FRMD8: variants seen among roughly 807,000 people sequenced by gnomAD.
The protein encoded by FRMD8 is FERM domain containing 8.
FRMD8 carries 37 observed loss-of-function variants against 54.2 expected under a neutral mutation model. That is an observed-to-expected ratio of 0.68 (90% CI 0.53 to 0.90). FRMD8 has a LOEUF of 0.90. FRMD8 is among the 40% of genes least tolerant of loss of function. FRMD8 has a pLI of 0.00. For synonymous variants in FRMD8, 246 were observed against 286.9 expected (o/e 0.86, Z 1.44); for missense variants, 585 against 653.7 (o/e 0.89, Z 1.15).
the FRMD8 span, among the ~76,000 whole-genome samples, chr11:65,369,351 G>A: frequency 3.3e-4 from 50 of 151,758 alleles, no homozygotes; most frequent in Admixed American, 6.6e-4. Context: ...GTGGGAGGCC[G>A]AGGCAAGACG....
chr11:65,370,625 G>A, the FRMD8 span, among the ~76,000 whole-genome samples: 2 of 151,780 alleles, frequency 1.3e-5, no homozygotes, highest in African/African-American at 2.4e-5. Flanking sequence ...GCTTAAACCC[G>A]GGAAGCAGAC....
chr11:65,396,631 C>T (rs924706919), intron 6 of FRMD8, among the ~76,000 whole-genome samples, 168 bp from the exon 7 acceptor site: 2 of 152,164 alleles, frequency 1.3e-5, no homozygotes, highest in African/African-American at 4.8e-5. Flanking sequence ...GAGAACTGAA[C>T]CCCCTCTGTC....
chr11:65,379,960 G>A, the FRMD8 span: 2 of 1,613,972 alleles, frequency 1.2e-6, no homozygotes, highest in Admixed American at 1.7e-5. Flanking sequence ...GACAGAGCAG[G>A]TAGGGTGGCG....
At position 65,411,616 on chromosome 11, in the gene FRMD8, C is replaced by G; in HGVS notation, c.*256C>G. On this transcript the variant is annotated 3_prime_UTR_variant, in exon 11 of 11. Coordinates refer to ENST00000317568, the MANE Select transcript of FRMD8 (RefSeq NM_031904.5). The stretch of plus-strand genomic sequence containing the variant: ...CCCGGATGCTGGGCCCTGCTGCTCT[C>G]TCAGGACCATCCGATCAAGCTGCAG... The G allele has an allele frequency of 2.6e-6, 1 of 383,580 alleles. No individual in the cohort carries two copies. The highest frequency in any genetic ancestry group is 5.9e-5 in the South Asian group (1 of 16,930). The allele number at this position is 383,580 out of a possible 1,614,324, so 23.8% of individuals were successfully genotyped here. A position where few individuals can be genotyped will look rare whatever the true frequency, so the allele number is the denominator to read the frequency against.
chr11:65,371,863 C>G, the FRMD8 span, among the ~76,000 whole-genome samples: 2 of 152,094 alleles, frequency 1.3e-5, no homozygotes, highest in Non-Finnish European at 2.9e-5. Context: ...ATCTGCCCAC[C>G]TTGGCCTCCC....
chr11:65,397,023 A>G lies in FRMD8; in HGVS notation c.803+3A>G, dbSNP rs1365149145. 5 of 1,434,058 alleles carry G rather than the reference A, an allele frequency of 3.5e-6. No individual in the cohort carries two copies. The East Asian group carries it at 8.4e-5, about 24-fold the overall frequency. The allele number at this position is 1,434,058 out of a possible 1,614,324, so 88.8% of individuals were successfully genotyped here. ...TGCCACGAGCTGCCGTTTTATGGGTAAGAGCCACAGCCCCGCGGTCCCCCA... is the reference window on the plus strand; with the variant it reads ...TGCCACGAGCTGCCGTTTTATGGGTGAGAGCCACAGCCCCGCGGTCCCCCA... On this transcript the variant is annotated splice_donor_region_variant and intron_variant, in intron 7 of 10. Transcript: ENST00000317568.
upstream of FRMD8, among the ~76,000 whole-genome samples, chr11:65,385,369 G>A (rs1315252496): frequency 3.3e-5 from 5 of 152,168 alleles, no homozygotes; most frequent in African/African-American, 7.2e-5. Context: ...GTGGATCATA[G>A]GAGGGCAGGC....
intron 10 of FRMD8, among the ~76,000 whole-genome samples, chr11:65,405,590 T>TC (rs1430088567): frequency 3.3e-5 from 5 of 152,250 alleles, no homozygotes; most frequent in African/African-American, 1.2e-4. Flanking sequence ...ATCATTGCAT[T>TC]CCAGCCTGGG....
chr11:65,377,338 C>T, the FRMD8 span: 1 of 1,343,858 alleles, frequency 7.4e-7, no homozygotes, highest in Non-Finnish European at 9.5e-7. Context: ...CTTGCCTGGC[C>T]TACAGCAGGC....
At position 65,396,859 on chromosome 11, in the gene FRMD8, T is replaced by A; in HGVS notation, c.642T>A (p.Ala214=). Reference sequence around the variant, plus strand: ...GTAAGCGGGGCCAGAGTCTCTTTGCTGCCCTCCGGGGCCGTGGGGCCAGGG... The same window carrying A: ...GTAAGCGGGGCCAGAGTCTCTTTGCAGCCCTCCGGGGCCGTGGGGCCAGGG... The part of the protein sequence containing the change: ...HLCKRGQSLF[A]ALRGRGARAG... Residue 214 remains alanine, a synonymous_variant, in exon 7 of 11, where the codon GCT becomes GCA. Coordinates refer to ENST00000317568, the MANE Select transcript of FRMD8 (RefSeq NM_031904.5). 1 of 1,562,160 alleles carries A rather than the reference T, an allele frequency of 6.4e-7. No homozygotes were observed. The highest frequency in any genetic ancestry group is 8.7e-7 in the Non-Finnish European group (1 of 1,154,374).
At chr11:65,374,407 T>G in the FRMD8 span, among the ~76,000 whole-genome samples, 2 of 151,024 alleles carry the variant, frequency 1.3e-5, no homozygotes, top group Non-Finnish European at 3.0e-5. Context: ...CTAAGCAAAT[T>G]GTATGATTTA....
intron 7 of FRMD8, 77 bp downstream of exon 7, chr11:65,397,097 GC>G: frequency 1.3e-6 from 1 of 768,804 alleles, no homozygotes; most frequent in Non-Finnish European, 2.0e-6. Context: ...CTGCCAGTGA[GC>G]CCACCTCTGC....
chr11:65,398,473 G>T (rs1312479612), intron 7 of FRMD8, among the ~76,000 whole-genome samples: 1 of 152,250 alleles, frequency 6.6e-6, no homozygotes, highest in African/African-American at 2.4e-5. Flanking sequence ...TGTGGGCCAG[G>T]TGAGAAGGGG....
At chr11:65,409,963 A>G (rs2137950002) in intron 10 of FRMD8, among the ~76,000 whole-genome samples, 1 of 151,752 alleles carries the variant, frequency 6.6e-6, no homozygotes, top group East Asian at 1.9e-4. Flanking sequence ...AGTCCCAGCT[A>G]TTGGGGATGC....
At position 65,387,583 on chromosome 11, in the gene FRMD8, G is replaced by C. The variant is rs890631059; in HGVS notation, c.85+462G>C. On this transcript the variant is annotated intron_variant, in intron 2 of 10. Transcript: ENST00000317568. ...TGACAGAGTCTCCCTCTGTCGCCCAGGCTGGAGTGCAGTGGTGCGATCTCA... is the reference window on the plus strand; with the variant it reads ...TGACAGAGTCTCCCTCTGTCGCCCACGCTGGAGTGCAGTGGTGCGATCTCA... 1.8e-4 allele frequency among the ~76,000 whole-genome samples: 27 copies of C among 152,014 alleles called. 1 individual carries two copies. Among genetic ancestry groups the C allele is most frequent in the Admixed American group, 7.9e-4 (12 of 15,272 alleles).
chr11:65,368,966 G>A, the FRMD8 span, among the ~76,000 whole-genome samples: 1 of 152,152 alleles, frequency 6.6e-6, no homozygotes, highest in South Asian at 2.1e-4. Context: ...ACGAATGAGA[G>A]TGTGTCATTA....
rs189751247 is a variant in FRMD8 at position 65,395,535 on chromosome 11, G to A, written c.581+1110G>A. Among the ~76,000 whole-genome samples the A allele has an allele frequency of 1.8e-4, 28 of 152,180 alleles. No individual in the cohort carries two copies. The South Asian group carries it at 5.0e-3, about 27-fold the overall frequency. On this transcript the variant is annotated intron_variant, in intron 6 of 10. Transcript: ENST00000317568. ...GCCTGGGCAACAAGAGCGAAACTCC[G>A]TCTCAAAAAAGAAAAAAAAGGACTG...
chr11:65,376,446 G>C, the FRMD8 span: 1 of 1,614,164 alleles, frequency 6.2e-7, no homozygotes, highest in Non-Finnish European at 8.5e-7. Flanking sequence ...AGCTGAGGAA[G>C]GTGACAGCAT....
intron 9 of FRMD8, among the ~76,000 whole-genome samples, chr11:65,401,231 G>T (rs1856072095): frequency 6.6e-6 from 1 of 151,870 alleles, no homozygotes; most frequent in Non-Finnish European, 1.5e-5. Flanking sequence ...GAAACGTTGG[G>T]CCTCTCCAAG....
Sources: allele counts gnomAD v4.1 joint callset (sites outside exome capture counted in the v4.1 genomes callset), GRCh38; gene constraint gnomAD v4.1.1; transcripts MANE v1.5; gene names NCBI Gene and HGNC (gene_info 2026-07-23, HGNC 2026-07-21).